Variants in CAPN2 observed in about 807,000 individuals in gnomAD.
The protein encoded by CAPN2 is calpain-2 catalytic subunit.
In CAPN2, 92 loss-of-function variants were observed where a neutral mutation model predicts 102.3. That is an observed-to-expected ratio of 0.90 (90% CI 0.76 to 1.07). The LOEUF (loss-of-function observed/expected upper bound fraction) is 1.07, where lower values mean the gene tolerates loss of function less well. CAPN2 is among the 50% of genes least tolerant of loss of function. CAPN2 has a pLI of 0.00. For synonymous variants in CAPN2, 340 were observed against 355.4 expected (o/e 0.96, Z 0.49); for missense variants, 800 against 909.4 (o/e 0.88, Z 1.55).
chr1:223,748,783 C>T (rs564830053), intron 5 of CAPN2, among the ~76,000 whole-genome samples: 1 of 152,354 alleles, frequency 6.6e-6, no homozygotes, highest in Non-Finnish European at 1.5e-5. Context: ...GCTATTCACA[C>T]GGGAATGCCT....
chr1:223,709,164 G>C (rs1011511776), upstream of CAPN2, among the ~76,000 whole-genome samples: 1 of 152,114 alleles, frequency 6.6e-6, no homozygotes, highest in Non-Finnish European at 1.5e-5. Flanking sequence ...GTTTGTGCTT[G>C]TTCAGGCTTG....
chr1:223,708,799 AGAGAGAAG>A (rs967348525), upstream of CAPN2, among the ~76,000 whole-genome samples: 3 of 149,946 alleles, frequency 2.0e-5, no homozygotes, highest in South Asian at 2.1e-4. Flanking sequence ...AGAGAGAGAA[AGAGAGAAG>A]GAGAGAAGGA....
intron 2 of CAPN2, among the ~76,000 whole-genome samples, chr1:223,734,530 C>T (rs1034764696): frequency 1.7e-4 from 26 of 152,102 alleles, no homozygotes; most frequent in African/African-American, 5.6e-4. Context: ...AGGCTCAAGA[C>T]GGTGAGACAG....
chr1:223,707,101 C>T (rs1193406849), intron 1 of CAPN2, among the ~76,000 whole-genome samples: 4 of 149,562 alleles, frequency 2.7e-5, no homozygotes, highest in Admixed American at 2.7e-4. Context: ...AAAAAAAATC[C>T]AGAACCTGCA....
chr1:223,723,290 C>G (rs1228525691), intron 2 of CAPN2, among the ~76,000 whole-genome samples: 1 of 152,152 alleles, frequency 6.6e-6, no homozygotes, highest in Non-Finnish European at 1.5e-5. Context: ...TCTGGAGCCA[C>G]TGCACTCCAG....
intron 12 of CAPN2, among the ~76,000 whole-genome samples, chr1:223,761,193 A>G (rs1661175660): frequency 6.6e-6 from 1 of 152,266 alleles, no homozygotes; most frequent in Non-Finnish European, 1.5e-5. Flanking sequence ...GCTAGGACGA[A>G]CACCACGCTA....
chr1:223,705,490 G>GA (rs887403942), intron 1 of CAPN2, among the ~76,000 whole-genome samples: 6 of 152,126 alleles, frequency 3.9e-5, no homozygotes, highest in African/African-American at 1.4e-4. Flanking sequence ...ACTTAGGGAT[G>GA]AAAAAAATAA....
intron 16 of CAPN2, among the ~76,000 whole-genome samples, chr1:223,766,636 C>T (rs28370152): frequency 0.049 from 7,475 of 152,246 alleles, 338 homozygotes; most frequent in Admixed American, 0.11. Flanking sequence ...ATGCTACACC[C>T]CCCCTCCCAC....
chr1:223,772,484 G>A, intron 20 of CAPN2: 2 of 478,864 alleles, frequency 4.2e-6, no homozygotes, highest in Non-Finnish European at 7.4e-6. Context: ...TGACTTGAGT[G>A]TAGCTCAAGG....
upstream of CAPN2, among the ~76,000 whole-genome samples, chr1:223,708,080 G>T (rs1351997057): frequency 6.6e-6 from 1 of 152,204 alleles, no homozygotes; most frequent in Admixed American, 6.5e-5. Flanking sequence ...GTTTTCAATT[G>T]TGATGGCTTC....
chr1:223,741,463 TATA>T (rs1571799212), intron 2 of CAPN2, among the ~76,000 whole-genome samples: 1 of 145,686 alleles, frequency 6.9e-6, no homozygotes, highest in East Asian at 2.0e-4. Flanking sequence ...TATATATATA[TATA>T]TATTTGAGAG....
intron 15 of CAPN2, among the ~76,000 whole-genome samples, chr1:223,766,123 G>A (rs932074186): frequency 6.6e-6 from 1 of 152,254 alleles, no homozygotes; most frequent in East Asian, 1.9e-4. Flanking sequence ...TTATTTATTT[G>A]TTCAAAAAGC....
At chr1:223,771,460 C>T in intron 18 of CAPN2, 1 of 215,854 alleles carries the variant, frequency 4.6e-6, no homozygotes, top group Non-Finnish European at 9.3e-6. Flanking sequence ...TCACATATAT[C>T]CAGGAAGAAT....
intron 20 of CAPN2, chr1:223,773,393 C>A (rs1661531508): frequency 6.6e-6 from 1 of 152,242 alleles, no homozygotes; most frequent in Admixed American, 6.5e-5. Context: ...CGCGTCTCTA[C>A]TGAAAATACA....
upstream of CAPN2, among the ~76,000 whole-genome samples, chr1:223,711,731 C>G (rs748467322): frequency 2.5e-4 from 38 of 152,222 alleles, no homozygotes; most frequent in Non-Finnish European, 5.1e-4. Flanking sequence ...CTGTCTCAGC[C>G]TCCCGAGTAA....
At chr1:223,721,553 T>C (rs548242298) in intron 2 of CAPN2, among the ~76,000 whole-genome samples, 6 of 152,182 alleles carry the variant, frequency 3.9e-5, no homozygotes, top group Admixed American at 2.6e-4. Flanking sequence ...CCCCATTTCA[T>C]TGTAACCCAG....
chr1:223,773,574 A>G (rs2102819102), intron 20 of CAPN2, among the ~76,000 whole-genome samples: 1 of 152,248 alleles, frequency 6.6e-6, no homozygotes, highest in Non-Finnish European at 1.5e-5. Context: ...ATGCCTGTTA[A>G]TCCCAGCTAC....
chr1:223,711,819 C>T (rs1659735689), upstream of CAPN2, among the ~76,000 whole-genome samples: 1 of 152,218 alleles, frequency 6.6e-6, no homozygotes. Context: ...TGGTCTCGAA[C>T]TCCTGACCCC....
At chr1:223,746,592 C>G (rs1313225404) in intron 4 of CAPN2, among the ~76,000 whole-genome samples, 1 of 150,580 alleles carries the variant, frequency 6.6e-6, no homozygotes, top group Non-Finnish European at 1.5e-5. Flanking sequence ...ATTCTTTTGC[C>G]TCAGCCTCCC....
Sources: gnomAD v4.1 joint callset for allele counts (sites outside exome capture counted in the v4.1 genomes callset) on GRCh38, gnomAD v4.1.1 for gene constraint, MANE v1.5 for transcripts, NCBI Gene and HGNC (gene_info 2026-07-23, HGNC 2026-07-21) for gene names.